Variants in DDX60 observed in about 807,000 individuals in gnomAD.
DDX60 encodes DExD/H-box helicase 60, also known as probable ATP-dependent RNA helicase DDX60.
DDX60 carries 165 observed loss-of-function variants against 212.8 expected under a neutral mutation model. That is an observed-to-expected ratio of 0.78 (90% confidence interval 0.68 to 0.88). The LOEUF is 0.88. Among genes scored for constraint, DDX60 ranks in the 40% least tolerant of loss-of-function variants. The pLI, the probability that DDX60 is intolerant of heterozygous loss-of-function variation, is 0.00. For synonymous variants in DDX60, 703 were observed against 685.3 expected (o/e 1.03, Z -0.40); for missense variants, 1,905 against 2,003.9 (o/e 0.95, Z 0.94).
intron 6 of DDX60, among the ~76,000 whole-genome samples, chr4:168,299,427 G>T (rs946521509): frequency 6.7e-6 from 1 of 150,090 alleles, no homozygotes; most frequent in East Asian, 2.0e-4. Flanking sequence ...AAATCTAAAA[G>T]AAACAACAAC....
At chr4:168,229,262 T>A (rs1733363661) in intron 33 of DDX60, among the ~76,000 whole-genome samples, 1 of 152,036 alleles carries the variant, frequency 6.6e-6, no homozygotes. Context: ...AAGTTCCAGA[T>A]CATGGGAGAA....
intron 25 of DDX60, among the ~76,000 whole-genome samples, chr4:168,258,247 T>A (rs1232074745): frequency 6.6e-6 from 1 of 152,206 alleles, no homozygotes; most frequent in African/African-American, 2.4e-5. Flanking sequence ...CTCACTCCAA[T>A]CCTTTGTACT....
rs536410690 is a variant in DDX60, at chr4:168,314,804, T to C, written c.-106-3439A>G. On this transcript the variant is annotated intron_variant, in intron 1 of 37. Transcript: ENST00000393743. ...GAGTGGGGATAAAAATAATCAAAGATATATACTTAAACTAATATACTAATA... is the reference window on the plus strand; with the variant it reads ...GAGTGGGGATAAAAATAATCAAAGACATATACTTAAACTAATATACTAATA... Among the ~76,000 whole-genome samples, 95 of 152,260 alleles carry C rather than the reference T, an allele frequency of 6.2e-4. 1 individual carries two copies. Among genetic ancestry groups the C allele is most frequent in the Admixed American group, 1.7e-3 (26 of 15,284 alleles).
At chr4:168,263,281 A>C (rs1478469840) in intron 22 of DDX60, among the ~76,000 whole-genome samples, 1 of 152,182 alleles carries the variant, frequency 6.6e-6, no homozygotes, top group Non-Finnish European at 1.5e-5. Flanking sequence ...CAAGACTCCA[A>C]GAAATTTCTC....
At chr4:168,236,517 C>T in intron 32 of DDX60, 144 bp from the exon 33 acceptor site, 1 of 686,376 alleles carries the variant, frequency 1.5e-6, no homozygotes, top group Non-Finnish European at 2.3e-6. Flanking sequence ...TACCATATAT[C>T]CGCTAATAGT....
chr4:168,236,096 A>G (rs1374547272), intron 33 of DDX60, 156 bp downstream of exon 33: 1 of 611,430 alleles, frequency 1.6e-6, no homozygotes, highest in African/African-American at 2.0e-5. Flanking sequence ...CATCAATTAC[A>G]GATTAAATAT....
intron 25 of DDX60, among the ~76,000 whole-genome samples, chr4:168,256,102 C>A (rs1315257889): frequency 6.8e-6 from 1 of 146,678 alleles, no homozygotes; most frequent in South Asian, 2.3e-4. Context: ...CACTCCCCCC[C>A]ACCCCACCCC....
chr4:168,288,363 A>G (rs1735952550), intron 8 of DDX60, 48 bp from the exon 9 acceptor site: 1 of 1,308,440 alleles, frequency 7.6e-7, no homozygotes, highest in Non-Finnish European at 1.1e-6. Context: ...TCATATTAGC[A>G]ATAAACTATA....
chr4:168,280,650 C>A, intron 13 of DDX60, 60 bp from the exon 14 acceptor site: 3 of 1,521,736 alleles, frequency 2.0e-6, no homozygotes, highest in Non-Finnish European at 2.6e-6. Context: ...GATAACAGGT[C>A]ATGAGTGAGA....
In DDX60 at chr4:168,250,875, T is replaced by C. The variant is rs1190200438; in HGVS notation, c.3858+79A>G. 8.1e-6 allele frequency: 10 copies of C among 1,237,272 alleles called. No individual in the cohort carries two copies. In the Admixed American group the frequency reaches 2.1e-4, roughly 26 times the overall value. 76.6% of individuals were successfully genotyped at this position (1,237,272 alleles called of 1,614,324 possible). A position where few individuals can be genotyped will look rare whatever the true frequency, so the allele number is the denominator to read the frequency against. The stretch of plus-strand genomic sequence containing the variant: ...CATGAGAAAAAAAGAAAAATGGTGG[T>C]TGTATTCTTTACTTTTCCTGAACAT... On this transcript the variant is annotated intron_variant, in intron 28 of 37. Transcript: ENST00000393743.
At chr4:168,291,555 T>C (rs2149535117) in intron 8 of DDX60, among the ~76,000 whole-genome samples, 193 bp downstream of exon 8, 1 of 152,376 alleles carries the variant, frequency 6.6e-6, no homozygotes, top group South Asian at 2.1e-4. Flanking sequence ...TTAGGTTAGA[T>C]ATATATCATG....
intron 11 of DDX60, 34 bp from the exon 12 acceptor site, chr4:168,284,969 A>G: frequency 9.5e-7 from 1 of 1,048,988 alleles, no homozygotes; most frequent in South Asian, 1.5e-5. Context: ...TTTAAATTGC[A>G]CACTTCCAAA....
intron 19 of DDX60, among the ~76,000 whole-genome samples, chr4:168,269,596 A>G (rs1393635494): frequency 6.6e-6 from 1 of 151,640 alleles, no homozygotes; most frequent in Non-Finnish European, 1.5e-5. Flanking sequence ...GCGAGACTCC[A>G]TCTCAAAAAA....
At chr4:168,227,203 T>C (rs928279655) in intron 33 of DDX60, among the ~76,000 whole-genome samples, 3 of 127,442 alleles carry the variant, frequency 2.4e-5, no homozygotes, top group Non-Finnish European at 4.9e-5. Context: ...GTTTTCTTTG[T>C]GGGAATGTTT....
At chr4:168,259,606 T>C (rs1683127754) in intron 25 of DDX60, among the ~76,000 whole-genome samples, 1 of 151,644 alleles carries the variant, frequency 6.6e-6, no homozygotes, top group Admixed American at 6.6e-5. Context: ...TACTTCAGCT[T>C]CCATGGCTTA....
intron 6 of DDX60, among the ~76,000 whole-genome samples, chr4:168,297,650 G>A (rs1315270233): frequency 4.6e-5 from 7 of 152,118 alleles, no homozygotes; most frequent in African/African-American, 1.4e-4. Context: ...GGCCAGGTGC[G>A]GTGGCTCATG....
intron 6 of DDX60, among the ~76,000 whole-genome samples, chr4:168,298,432 A>G (rs1736503940): frequency 6.6e-6 from 1 of 152,226 alleles, no homozygotes; most frequent in African/African-American, 2.4e-5. Context: ...AAAAGAGAGC[A>G]GAAGTTAGTA....
chr4:168,307,139 G>T (rs1736919234), intron 4 of DDX60, among the ~76,000 whole-genome samples: 1 of 152,110 alleles, frequency 6.6e-6, no homozygotes, highest in African/African-American at 2.4e-5. Flanking sequence ...GATTGTCTCG[G>T]CATAACAAAA....
At chr4:168,272,768 G>T (rs1475529337) in intron 18 of DDX60, among the ~76,000 whole-genome samples, 2 of 152,156 alleles carry the variant, frequency 1.3e-5, no homozygotes, top group Non-Finnish European at 2.9e-5. Flanking sequence ...GGCAATCTGG[G>T]TAGAACATCT....
Sources: gnomAD v4.1 joint callset for allele counts (sites outside exome capture counted in the v4.1 genomes callset) on GRCh38, gnomAD v4.1.1 for gene constraint, MANE v1.5 for transcripts, NCBI Gene and HGNC (gene_info 2026-07-23, HGNC 2026-07-21) for gene names.